SLC35F1: variants seen among roughly 807,000 people sequenced by gnomAD.
SLC35F1 encodes solute carrier family 35 member F1.
SLC35F1 carries 14 observed loss-of-function variants against 48.7 expected under a neutral mutation model. The ratio of observed to expected loss-of-function variants is 0.29; its 90% CI spans 0.19 to 0.45. The LOEUF is 0.45. Ranked by LOEUF, SLC35F1 falls within the 20% of genes least tolerant of loss-of-function variation. The pLI, the probability that SLC35F1 is intolerant of heterozygous loss-of-function variation, is 1.00. For missense variants in SLC35F1, 404 were observed against 500.0 expected, an observed-to-expected ratio of 0.81 and a Z score of 1.83; for synonymous variants, 190 against 202.2, an observed-to-expected ratio of 0.94 and a Z score of 0.51.
chr6:117,953,662 G>A (rs1327661831), intron 1 of SLC35F1, among the ~76,000 whole-genome samples: 2 of 152,174 alleles, frequency 1.3e-5, no homozygotes, highest in Admixed American at 1.3e-4. Flanking sequence ...CAGAACAGTA[G>A]GCCAAAGAAG....
At chr6:118,114,748 C>T (rs577649110) in intron 1 of SLC35F1, among the ~76,000 whole-genome samples, 30 of 152,172 alleles carry the variant, frequency 2.0e-4, no homozygotes, top group Non-Finnish European at 4.3e-4. Context: ...TAATGCTGAG[C>T]ATCAGTCAGC....
intron 2 of SLC35F1, among the ~76,000 whole-genome samples, chr6:118,165,155 T>C (rs13209268): frequency 0.084 from 12,721 of 152,218 alleles, 710 homozygotes; most frequent in Middle Eastern, 0.15. Flanking sequence ...AAGGAAGAAG[T>C]GGAGAAAACA....
intron 2 of SLC35F1, among the ~76,000 whole-genome samples, chr6:118,168,514 T>C (rs913768993): frequency 1.3e-5 from 2 of 152,186 alleles, no homozygotes; most frequent in African/African-American, 4.8e-5. Context: ...CCTCTCAAAA[T>C]ACCTTATTGT....
At chr6:118,212,700 G>T (rs981504013) in intron 2 of SLC35F1, among the ~76,000 whole-genome samples, 1 of 115,586 alleles carries the variant, frequency 8.7e-6, no homozygotes, top group African/African-American at 3.5e-5. Flanking sequence ...AAAGAAAGAA[G>T]GAAAGAAGGA....
At chr6:118,251,248 A>G (rs1184063609) in intron 3 of SLC35F1, among the ~76,000 whole-genome samples, 1 of 152,152 alleles carries the variant, frequency 6.6e-6, no homozygotes, top group African/African-American at 2.4e-5. Flanking sequence ...GAGTGAATAA[A>G]TGAGTCAAGA....
intron 1 of SLC35F1, among the ~76,000 whole-genome samples, chr6:117,919,958 G>A (rs114903250): frequency 0.01 from 1,537 of 152,266 alleles, 24 homozygotes; most frequent in African/African-American, 0.035. Flanking sequence ...GGCCTAAAAG[G>A]CTCCACAGAG....
chr6:118,129,628 G>GAAAA (rs1773681080), intron 1 of SLC35F1, among the ~76,000 whole-genome samples: 1 of 152,078 alleles, frequency 6.6e-6, no homozygotes, highest in Non-Finnish European at 1.5e-5. Context: ...AGATTCGAGG[G>GAAAA]ATGTTATGGA....
At chr6:118,108,081 A>G (rs923540055) in intron 1 of SLC35F1, among the ~76,000 whole-genome samples, 3 of 152,118 alleles carry the variant, frequency 2.0e-5, no homozygotes, top group South Asian at 2.1e-4. Flanking sequence ...TACGATCCAT[A>G]TAATTATTTG....
chr6:118,310,864 T>C (rs1385283464), intron 7 of SLC35F1, among the ~76,000 whole-genome samples: 2 of 152,214 alleles, frequency 1.3e-5, no homozygotes, highest in African/African-American at 4.8e-5. Flanking sequence ...AAAAAAGGGA[T>C]GATCCTTTAA....
intron 3 of SLC35F1, 117 bp from the exon 4 acceptor site, chr6:118,266,878 T>A (rs1775779873): frequency 9.1e-7 from 1 of 1,096,064 alleles, no homozygotes; most frequent in South Asian, 1.5e-5. Flanking sequence ...CTACACAAAA[T>A]CTCAGGTTCA....
chr6:117,929,908 C>T (rs987970342), intron 1 of SLC35F1, among the ~76,000 whole-genome samples: 1 of 152,092 alleles, frequency 6.6e-6, no homozygotes, highest in African/African-American at 2.4e-5. Context: ...CTCAGATGTC[C>T]TGGAATTACT....
chr6:117,970,860 G>A (rs1180059697), intron 1 of SLC35F1, among the ~76,000 whole-genome samples: 3 of 152,150 alleles, frequency 2.0e-5, no homozygotes, highest in African/African-American at 7.2e-5. Context: ...GACATGTAGG[G>A]ATTATGGGAA....
chr6:118,185,789 T>C (rs971106439), intron 2 of SLC35F1, among the ~76,000 whole-genome samples: 18 of 152,140 alleles, frequency 1.2e-4, no homozygotes, highest in Non-Finnish European at 5.9e-5. Context: ...AGAGCCTTGG[T>C]CCAAGCACCT....
intron 1 of SLC35F1, among the ~76,000 whole-genome samples, chr6:117,961,259 G>C (rs572655556): frequency 2.0e-5 from 3 of 152,282 alleles, no homozygotes; most frequent in African/African-American, 7.2e-5. Context: ...ATCTCTAGCA[G>C]ATTCAATTAT....
intron 1 of SLC35F1, among the ~76,000 whole-genome samples, chr6:117,917,053 A>T (rs1775835880): frequency 6.6e-6 from 1 of 152,180 alleles, no homozygotes; most frequent in Non-Finnish European, 1.5e-5. Flanking sequence ...AAGTGGGGTG[A>T]TGTGACAGAG....
chr6:118,200,854 G>A (rs1221707876), intron 2 of SLC35F1, among the ~76,000 whole-genome samples: 4 of 152,104 alleles, frequency 2.6e-5, no homozygotes, highest in African/African-American at 7.2e-5. Context: ...GAATCAGTGT[G>A]CTTACTCCTT....
chr6:117,910,746 A>G (rs2114792943), intron 1 of SLC35F1, among the ~76,000 whole-genome samples: 1 of 152,278 alleles, frequency 6.6e-6, no homozygotes, highest in African/African-American at 2.4e-5. Flanking sequence ...AGAGTGGTGC[A>G]ATGGGACGAG....
chr6:117,999,374 C>A, intron 1 of SLC35F1: 1 of 1,584,690 alleles, frequency 6.3e-7, no homozygotes, highest in Non-Finnish European at 8.6e-7. Context: ...AACCAAGGCC[C>A]AGGCTGCAGC....
chr6:118,087,985 TAGCA>T (rs1464264084), intron 1 of SLC35F1, among the ~76,000 whole-genome samples: 1 of 152,180 alleles, frequency 6.6e-6, no homozygotes, highest in Non-Finnish European at 1.5e-5. Flanking sequence ...AGATTTAGAA[TAGCA>T]ATCAAAGCAA....
Sources: allele counts gnomAD v4.1 joint callset (sites outside exome capture counted in the v4.1 genomes callset), GRCh38; gene constraint gnomAD v4.1.1; transcripts MANE v1.5; gene names NCBI Gene and HGNC (gene_info 2026-07-23, HGNC 2026-07-21).